Variants in TIAM1 observed in about 807,000 individuals in gnomAD.
The protein encoded by TIAM1 is rho guanine nucleotide exchange factor TIAM1.
TIAM1 carries 65 observed loss-of-function variants against 163.5 expected under a neutral mutation model. That is an observed-to-expected ratio of 0.40 (90% CI 0.33 to 0.49). TIAM1 has a LOEUF of 0.49. Ranked by LOEUF, TIAM1 falls within the 20% of genes least tolerant of loss-of-function variation. TIAM1 has a pLI of 0.77. For missense variants in TIAM1, 1,789 were observed against 2,044.7 expected (o/e 0.87, Z 2.41); for synonymous variants, 833 against 810.1 (o/e 1.03, Z -0.48).
At chr21:31,412,031 C>T (rs150162375) in intron 2 of TIAM1, among the ~76,000 whole-genome samples, 135 of 152,238 alleles carry the variant, frequency 8.9e-4, no homozygotes, top group African/African-American at 2.9e-3. Flanking sequence ...ACAGAATCCA[C>T]CTCGGTGTCT....
chr21:31,491,513 G>A (rs1000728969), intron 1 of TIAM1, among the ~76,000 whole-genome samples: 1 of 152,172 alleles, frequency 6.6e-6, no homozygotes, highest in African/African-American at 2.4e-5. Flanking sequence ...GGACCTTCAC[G>A]ATGACTTCCT....
At chr21:31,385,052 C>T (rs2076842330) in intron 2 of TIAM1, among the ~76,000 whole-genome samples, 1 of 152,060 alleles carries the variant, frequency 6.6e-6, no homozygotes, top group African/African-American at 2.4e-5. Flanking sequence ...TGCCACATGG[C>T]TTCATGCTGT....
chr21:31,226,899 G>C (rs8130113), intron 6 of TIAM1, among the ~76,000 whole-genome samples: 1 of 150,270 alleles, frequency 6.7e-6, no homozygotes, highest in Non-Finnish European at 1.5e-5. Flanking sequence ...CCTTTGAAGC[G>C]CCTTCTTAGT....
chr21:31,295,206 T>TA (rs1468089243), intron 2 of TIAM1, among the ~76,000 whole-genome samples: 5 of 151,968 alleles, frequency 3.3e-5, no homozygotes, highest in African/African-American at 1.2e-4. Flanking sequence ...TGCGGTGGCT[T>TA]ACGCCTGCAA....
At chr21:31,291,866 A>G (rs1192360257) in intron 2 of TIAM1, among the ~76,000 whole-genome samples, 2 of 151,984 alleles carry the variant, frequency 1.3e-5, no homozygotes, top group African/African-American at 4.8e-5. Flanking sequence ...TCTTGCCCCA[A>G]CTGTAGGTTC....
chr21:31,435,494 A>T (rs1449838521), intron 2 of TIAM1, among the ~76,000 whole-genome samples: 1 of 152,206 alleles, frequency 6.6e-6, no homozygotes, highest in African/African-American at 2.4e-5. Context: ...TCATTCATAC[A>T]CGTTTGCTGC....
intron 15 of TIAM1, among the ~76,000 whole-genome samples, chr21:31,167,994 C>T (rs914625177): frequency 1.3e-5 from 2 of 151,880 alleles, no homozygotes; most frequent in African/African-American, 4.8e-5. Flanking sequence ...AAAGTGCTCA[C>T]TGGCAAAAGA....
At chr21:31,527,626 T>A (rs1361009530) in intron 1 of TIAM1, among the ~76,000 whole-genome samples, 1 of 152,084 alleles carries the variant, frequency 6.6e-6, no homozygotes, top group Non-Finnish European at 1.5e-5. Context: ...GATTGGGTGT[T>A]AAGACATTCC....
intron 2 of TIAM1, among the ~76,000 whole-genome samples, chr21:31,402,039 C>A (rs1273250762): frequency 1.3e-5 from 2 of 151,934 alleles, no homozygotes; most frequent in Non-Finnish European, 2.9e-5. Context: ...ATGGTGAAAC[C>A]CCGTCTCTAC....
intron 4 of TIAM1, among the ~76,000 whole-genome samples, chr21:31,254,055 C>T (rs574761065): frequency 2.0e-5 from 3 of 152,142 alleles, no homozygotes; most frequent in African/African-American, 4.8e-5. Flanking sequence ...GTTTGGTATG[C>T]GTGAAAACAT....
chr21:31,216,361 G>A (rs1349688082), intron 9 of TIAM1, among the ~76,000 whole-genome samples: 1 of 152,124 alleles, frequency 6.6e-6, no homozygotes, highest in Non-Finnish European at 1.5e-5. Flanking sequence ...CTTTTCACAA[G>A]GGCATGCGGT....
chr21:31,196,478 A>ATTTTTTT (rs59358430), intron 12 of TIAM1, among the ~76,000 whole-genome samples: 9,953 of 132,686 alleles, frequency 0.075, 760 homozygotes, highest in Admixed American at 0.15. Flanking sequence ...CATCTGGCTA[A>ATTTTTTT]TTTTTTTTTT....
intron 2 of TIAM1, among the ~76,000 whole-genome samples, chr21:31,446,078 T>A (rs1428488222): frequency 6.6e-6 from 1 of 152,080 alleles, no homozygotes; most frequent in African/African-American, 2.4e-5. Context: ...GTAGCTGGCA[T>A]TACAGGCACC....
intron 1 of TIAM1, among the ~76,000 whole-genome samples, chr21:31,525,544 T>C (rs2047750695): frequency 6.6e-6 from 1 of 151,878 alleles, no homozygotes; most frequent in South Asian, 2.1e-4. Context: ...AGGGGACAAA[T>C]ACCCCAACTA....
At chr21:31,526,245 G>C (rs1428649958) in intron 1 of TIAM1, among the ~76,000 whole-genome samples, 3 of 152,116 alleles carry the variant, frequency 2.0e-5, no homozygotes, top group Non-Finnish European at 4.4e-5. Flanking sequence ...AGACTGAAGA[G>C]GGAAGGATAA....
rs149645284 is a variant in TIAM1, at chr21:31,124,475, C to T, written c.4306+47G>A. 3.1e-4 allele frequency: 506 copies of T among 1,606,674 alleles called. 2 individuals are homozygous for T. The East Asian group carries it at 8.7e-3, about 27-fold the overall frequency. ...GGTCAAGCTCACTGGAGTTCTACTG[C>T]GGAGTGGGGGTGACGGGAATCTTGA... On this transcript the variant is annotated intron_variant, in intron 27 of 27. Transcript: ENST00000541036.
intron 2 of TIAM1, among the ~76,000 whole-genome samples, chr21:31,367,951 T>G (rs1324367886): frequency 6.6e-6 from 1 of 152,194 alleles, no homozygotes; most frequent in Non-Finnish European, 1.5e-5. Context: ...AAACAACATC[T>G]GATGCTCAGT....
intron 2 of TIAM1, among the ~76,000 whole-genome samples, chr21:31,320,204 C>T (rs1441730953): frequency 2.6e-5 from 4 of 151,984 alleles, no homozygotes; most frequent in African/African-American, 4.8e-5. Context: ...CTTAAAAACA[C>T]GATGCTAAGT....
chr21:31,317,577 T>C (rs2147013987), intron 2 of TIAM1, among the ~76,000 whole-genome samples: 1 of 152,322 alleles, frequency 6.6e-6, no homozygotes. Flanking sequence ...GTCAAGAGTT[T>C]GAGACTACCC....
Sources: gnomAD v4.1 joint callset for allele counts (sites outside exome capture counted in the v4.1 genomes callset) on GRCh38, gnomAD v4.1.1 for gene constraint, MANE v1.5 for transcripts, NCBI Gene and HGNC (gene_info 2026-07-23, HGNC 2026-07-21) for gene names.